Variants in ABCA13 observed in about 807,000 individuals in gnomAD.
ABCA13 encodes the protein ATP-binding cassette sub-family A member 13.
In ABCA13, 476 loss-of-function variants were observed where a neutral mutation model predicts 478.7. That is an observed-to-expected ratio of 0.99 (90% CI 0.92 to 1.07). ABCA13 has a LOEUF of 1.07. Ranked by LOEUF, ABCA13 falls within the 50% of genes least tolerant of loss-of-function variation. The probability of loss-of-function intolerance (pLI) is 0.00; values close to 1 mark genes in which losing one functional copy is unlikely to be tolerated. For synonymous variants in ABCA13, 2,252 were observed against 2,158.9 expected (o/e 1.04, Z -1.20); for missense variants, 6,060 against 5,910.6 (o/e 1.03, Z -0.83).
intron 20 of ABCA13, among the ~76,000 whole-genome samples, chr7:48,293,571 T>C (rs1798890610): frequency 1.3e-5 from 2 of 152,216 alleles, no homozygotes; most frequent in African/African-American, 2.4e-5. Context: ...AAAGTATTTA[T>C]GGTAGAATAG....
rs142943380 is a variant in ABCA13, at chr7:48,475,818, G to A, written c.12975+4219G>A. ...TGGCTGTCTCCAAACCTACAAAAAG[G>A]TTCCATGGTTAGTCCTTCTGAGGAT... On this transcript the variant is annotated intron_variant, in intron 45 of 61. Transcript: ENST00000435803. Among the ~76,000 whole-genome samples the A allele has an allele frequency of 7.4e-3, 1,123 of 152,224 alleles. 8 individuals carry two copies. The highest frequency in any genetic ancestry group is 0.011 in the Non-Finnish European group (754 of 68,016).
chr7:48,329,451 T>C (rs1054117473), intron 27 of ABCA13, among the ~76,000 whole-genome samples: 5 of 152,212 alleles, frequency 3.3e-5, no homozygotes, highest in Non-Finnish European at 7.3e-5. Context: ...GCTGGCTGTG[T>C]GCCCTCTAAA....
chr7:48,482,166 A>C lies in ABCA13; in HGVS notation c.13095-910A>C, dbSNP rs1429100989. 3.3e-5 allele frequency among the ~76,000 whole-genome samples: 5 copies of C among 152,210 alleles called. No homozygotes were observed. The East Asian group carries it at 7.7e-4, about 23-fold the overall frequency. ...GAAAAATTCACAGAGCTACATAAAG[A>C]TAAACCAGCAAATAGACAATAAAAC... On this transcript the variant is annotated intron_variant, in intron 46 of 61. Coordinates refer to ENST00000435803, the MANE Select transcript of ABCA13 (RefSeq NM_152701.5).
chr7:48,643,222 A>T, intron 59 of ABCA13, 66 bp from the exon 60 acceptor site: 1 of 1,040,740 alleles, frequency 9.6e-7, no homozygotes, highest in Admixed American at 2.2e-5. Flanking sequence ...GTGAAAATGG[A>T]CTTAGAATTT....
At chr7:48,235,441 T>C (rs1197744661) in intron 8 of ABCA13, among the ~76,000 whole-genome samples, 1 of 152,220 alleles carries the variant, frequency 6.6e-6, no homozygotes, top group Non-Finnish European at 1.5e-5. Flanking sequence ...AGGAAAGTGA[T>C]CAGAAAATAC....
intron 48 of ABCA13, among the ~76,000 whole-genome samples, chr7:48,500,785 T>A (rs1830671729): frequency 6.6e-6 from 1 of 152,130 alleles, no homozygotes; most frequent in Non-Finnish European, 1.5e-5. Flanking sequence ...TCCAGCCCTG[T>A]GCTGGGGTAT....
intron 59 of ABCA13, among the ~76,000 whole-genome samples, chr7:48,625,485 C>T (rs1235873109): frequency 6.6e-6 from 1 of 152,172 alleles, no homozygotes; most frequent in Non-Finnish European, 1.5e-5. Flanking sequence ...CTGCTACTAA[C>T]CACTGAATTA....
At chr7:48,410,997 T>TTCTTTCTTTCTA (rs2129091790) in intron 40 of ABCA13, among the ~76,000 whole-genome samples, 1 of 104,756 alleles carries the variant, frequency 9.5e-6, no homozygotes, top group East Asian at 2.9e-4. Flanking sequence ...CTTTCTTTCT[T>TTCTTTCTTTCTA]TCTTTCTTTC....
At chr7:48,271,516 C>T (rs1343623758) in intron 16 of ABCA13, among the ~76,000 whole-genome samples, 1 of 152,078 alleles carries the variant, frequency 6.6e-6, no homozygotes, top group Non-Finnish European at 1.5e-5. Flanking sequence ...AATAATCATA[C>T]ATATTATTGT....
At chr7:48,269,927 T>G (rs2128744263) in intron 16 of ABCA13, among the ~76,000 whole-genome samples, 1 of 152,356 alleles carries the variant, frequency 6.6e-6, no homozygotes, top group Non-Finnish European at 1.5e-5. Context: ...GGATGGATCC[T>G]CTAGAGAATC....
intron 55 of ABCA13, among the ~76,000 whole-genome samples, chr7:48,546,188 A>G (rs1784795943): frequency 6.6e-6 from 1 of 151,922 alleles, no homozygotes; most frequent in African/African-American, 2.4e-5. Flanking sequence ...ATCTAAAATT[A>G]AATGTAAATA....
chr7:48,331,170 T>A (rs1296399631), intron 27 of ABCA13, among the ~76,000 whole-genome samples: 2 of 152,202 alleles, frequency 1.3e-5, no homozygotes, highest in Non-Finnish European at 2.9e-5. Flanking sequence ...TCACATTCTT[T>A]TAATATTTTC....
intron 55 of ABCA13, among the ~76,000 whole-genome samples, chr7:48,569,243 A>G (rs1787374492): frequency 6.6e-6 from 1 of 152,186 alleles, no homozygotes; most frequent in African/African-American, 2.4e-5. Flanking sequence ...AAAATAATAC[A>G]GATATTACAG....
intron 23 of ABCA13, among the ~76,000 whole-genome samples, chr7:48,301,151 A>G (rs1038716160): frequency 1.3e-5 from 2 of 151,916 alleles, no homozygotes; most frequent in Non-Finnish European, 2.9e-5. Context: ...CCGCGCCACA[A>G]ATCTTAAGGA....
chr7:48,176,387 G>A (rs1291403047), intron 1 of ABCA13, among the ~76,000 whole-genome samples: 3 of 152,170 alleles, frequency 2.0e-5, no homozygotes, highest in African/African-American at 7.2e-5. Context: ...AGAGGATAAT[G>A]GAAACAACAA....
Position 48,408,571 on chromosome 7 carries a change from C to CT in ABCA13, c.12071-1941dup, listed in dbSNP as rs200448314. On this transcript the variant is annotated intron_variant, in intron 39 of 61. Transcript: ENST00000435803. Reference sequence around the variant, plus strand: ...TTCCATAGTTTATTTGTAAATGCATCTTTTTTTTAATGTATTGAAAGTCTT... The same window carrying CT: ...TTCCATAGTTTATTTGTAAATGCATCTTTTTTTTTAATGTATTGAAAGTCTT... Among the ~76,000 whole-genome samples, 823 of 152,036 alleles carry CT rather than the reference C, an allele frequency of 5.4e-3. 6 individuals are homozygous for CT. The highest frequency in any genetic ancestry group is 0.018 in the African/African-American group (766 of 41,478).
intron 59 of ABCA13, among the ~76,000 whole-genome samples, chr7:48,619,341 A>C (rs551217275): frequency 7.9e-5 from 12 of 152,200 alleles, no homozygotes; most frequent in African/African-American, 2.6e-4. Flanking sequence ...AAAAAAATGC[A>C]ATAGGCCACT....
At chr7:48,607,046 C>T (rs1218080652) in intron 58 of ABCA13, among the ~76,000 whole-genome samples, 3 of 152,144 alleles carry the variant, frequency 2.0e-5, no homozygotes, top group Non-Finnish European at 4.4e-5. Flanking sequence ...AGGACGGATG[C>T]CCCTCTCCCA....
At chr7:48,532,069 C>T (rs978689530) in intron 55 of ABCA13, among the ~76,000 whole-genome samples, 1 of 152,062 alleles carries the variant, frequency 6.6e-6, no homozygotes, top group Non-Finnish European at 1.5e-5. Flanking sequence ...GCATCCTTGT[C>T]TTGTTCCAAT....
Sources: gnomAD v4.1 joint callset for allele counts (sites outside exome capture counted in the v4.1 genomes callset) on GRCh38, gnomAD v4.1.1 for gene constraint, MANE v1.5 for transcripts, NCBI Gene and HGNC (gene_info 2026-07-23, HGNC 2026-07-21) for gene names.